ATXN7: variants seen among roughly 807,000 people sequenced by gnomAD.
ATXN7 encodes the protein ataxin 7, also known as ataxin-7.
A neutral mutation model predicts 70.5 loss-of-function variants in ATXN7; 12 were observed. The observed-to-expected ratio is 0.17, with a 90% CI of 0.11 to 0.28. The LOEUF is 0.28. ATXN7 is among the 10% of genes least tolerant of loss of function. ATXN7 has a pLI of 1.00. For missense variants in ATXN7, 1,256 were observed against 1,131.7 expected (o/e 1.11, Z -1.58); for synonymous variants, 498 against 448.7 (o/e 1.11, Z -1.39).
At chr3:63,886,690 G>C (rs1307901024) in intron 1 of ATXN7, among the ~76,000 whole-genome samples, 1 of 152,140 alleles carries the variant, frequency 6.6e-6, no homozygotes, top group Non-Finnish European at 1.5e-5. Context: ...AAAATTGAAA[G>C]TTTATTTTTA....
At chr3:63,869,192 T>C (rs997206916) in intron 1 of ATXN7, among the ~76,000 whole-genome samples, 4 of 152,206 alleles carry the variant, frequency 2.6e-5, no homozygotes, top group African/African-American at 7.2e-5. Context: ...GAACACAGCC[T>C]TTAGGCTTTG....
intron 1 of ATXN7, among the ~76,000 whole-genome samples, chr3:63,869,957 G>T (rs1251508148): frequency 6.6e-6 from 1 of 152,044 alleles, no homozygotes; most frequent in Non-Finnish European, 1.5e-5. Flanking sequence ...ATATGTCAGG[G>T]GCCAAACCAA....
chr3:63,898,730 C>G (rs923251679), intron 2 of ATXN7, among the ~76,000 whole-genome samples: 4 of 152,058 alleles, frequency 2.6e-5, no homozygotes, highest in Admixed American at 1.3e-4. Flanking sequence ...AAATAACATC[C>G]CCTCCAAATT....
intron 4 of ATXN7, among the ~76,000 whole-genome samples, chr3:63,917,348 G>A (rs887629510): frequency 1.3e-5 from 2 of 152,218 alleles, no homozygotes; most frequent in Non-Finnish European, 2.9e-5. Context: ...GACTTCCACA[G>A]ATTTTGGATT....
intron 2 of ATXN7, among the ~76,000 whole-genome samples, chr3:63,899,314 G>A (rs1703542209): frequency 6.6e-6 from 1 of 152,140 alleles, no homozygotes; most frequent in Non-Finnish European, 1.5e-5. Flanking sequence ...CACCCGCCTT[G>A]ACCTCCCAAA....
intron 2 of ATXN7, chr3:63,904,572 G>A (rs1703768808): frequency 6.6e-6 from 1 of 152,266 alleles, no homozygotes; most frequent in Non-Finnish European, 1.5e-5. Flanking sequence ...GATTATAGGT[G>A]TGAGCCACTG....
At chr3:63,933,864 A>G (rs902514967) in intron 4 of ATXN7, among the ~76,000 whole-genome samples, 1 of 151,632 alleles carries the variant, frequency 6.6e-6, no homozygotes, top group African/African-American at 2.4e-5. Context: ...TTGATGCTTC[A>G]TAACTGTCGT....
intron 1 of ATXN7, among the ~76,000 whole-genome samples, chr3:63,898,154 C>T (rs561584208): frequency 1.3e-4 from 20 of 151,806 alleles, no homozygotes; most frequent in African/African-American, 4.4e-4. Context: ...AGGAGGCTAA[C>T]TCTGTGTACA....
At chr3:63,989,097 A>G (rs185698860) in intron 9 of ATXN7, among the ~76,000 whole-genome samples, 7 of 152,326 alleles carry the variant, frequency 4.6e-5, no homozygotes, top group Non-Finnish European at 1.0e-4. Flanking sequence ...AAATGGTTGC[A>G]TAAAGGTGGA....
At chr3:63,990,676 A>T (rs2075656164) in intron 10 of ATXN7, 62 bp from the exon 11 acceptor site, 2 of 1,612,624 alleles carry the variant, frequency 1.2e-6, no homozygotes, top group East Asian at 4.5e-5. Flanking sequence ...AAGGATCTAG[A>T]ACCCTGACTG....
intron 11 of ATXN7, among the ~76,000 whole-genome samples, chr3:63,993,456 A>G (rs993159133): frequency 6.6e-6 from 1 of 151,738 alleles, no homozygotes. Context: ...CGTCTCAAAA[A>G]AAAAAAAAGA....
In ATXN7 at chr3:63,913,336, C is replaced by T. The variant is rs945096052; in HGVS notation, c.394+111C>T. ...CATACCGACTCCCCGACTCCCCGTGCCTGCGAAGATGCTGCCTGAGGAGGG... is the reference window on the plus strand; with the variant it reads ...CATACCGACTCCCCGACTCCCCGTGTCTGCGAAGATGCTGCCTGAGGAGGG... On this transcript the variant is annotated intron_variant, in intron 4 of 12. Coordinates refer to ENST00000674280, the MANE Select transcript of ATXN7 (RefSeq NM_001377405.1). 10 of 1,161,654 alleles carry T rather than the reference C, an allele frequency of 8.6e-6. No homozygotes were observed. In the African/African-American group the frequency reaches 1.4e-4, roughly 16 times the overall value. 72.0% of individuals were successfully genotyped at this position (1,161,654 alleles called of 1,614,324 possible).
intron 4 of ATXN7, among the ~76,000 whole-genome samples, chr3:63,922,121 A>G (rs950196290): frequency 2.0e-5 from 3 of 151,272 alleles, no homozygotes; most frequent in Non-Finnish European, 4.4e-5. Context: ...TGCAGGCTTG[A>G]CTTCACTTCC....
chr3:63,950,890 A>T (rs188889829), intron 4 of ATXN7, among the ~76,000 whole-genome samples: 1 of 152,250 alleles, frequency 6.6e-6, no homozygotes, highest in East Asian at 1.9e-4. Context: ...TGACATTCCA[A>T]TTTATTGACA....
At chr3:63,995,366 A>G in intron 11 of ATXN7, 139 bp from the exon 12 acceptor site, 1 of 874,514 alleles carries the variant, frequency 1.1e-6, no homozygotes, top group Non-Finnish European at 1.8e-6. Context: ...GAGAGGTGAC[A>G]GGATTGGCTT....
chr3:63,868,573 A>G (rs1036442885), intron 1 of ATXN7, among the ~76,000 whole-genome samples: 1 of 152,242 alleles, frequency 6.6e-6, no homozygotes, highest in Non-Finnish European at 1.5e-5. Context: ...AGATTTTCAA[A>G]AATGAGTTAG....
At chr3:63,904,707 A>G (rs556068269) in intron 2 of ATXN7, 2 of 152,242 alleles carry the variant, frequency 1.3e-5, no homozygotes, top group Non-Finnish European at 2.9e-5. Context: ...ATTAGTGCTC[A>G]GGTATCTGAG....
At chr3:63,885,823 C>T (rs549060684) in intron 1 of ATXN7, among the ~76,000 whole-genome samples, 48 of 152,110 alleles carry the variant, frequency 3.2e-4, no homozygotes, top group African/African-American at 5.8e-4. Context: ...TCAACCTAGC[C>T]GGGCCAACAT....
At chr3:63,966,507 T>C (rs72885719) in intron 5 of ATXN7, among the ~76,000 whole-genome samples, 3,881 of 152,280 alleles carry the variant, frequency 0.025, 159 homozygotes, top group African/African-American at 0.087. Flanking sequence ...TTCCCTTGCG[T>C]TCTTCTAGTG....
Sources: gnomAD v4.1 joint callset for allele counts (sites outside exome capture counted in the v4.1 genomes callset) on GRCh38, gnomAD v4.1.1 for gene constraint, MANE v1.5 for transcripts, NCBI Gene and HGNC (gene_info 2026-07-23, HGNC 2026-07-21) for gene names.